The following WWOX variants were observed in gnomAD, a reference collection of about 807,000 sequenced individuals.
The protein encoded by WWOX is WW domain-containing oxidoreductase.
WWOX carries 69 observed loss-of-function variants against 46.2 expected under a neutral mutation model. The ratio of observed to expected loss-of-function variants is 1.49; its 90% CI spans 1.23 to 1.82. The LOEUF is 1.82. WWOX is among the 40% of genes most tolerant of loss of function. The probability of loss-of-function intolerance (pLI) is 0.00; values close to 1 mark genes in which losing one functional copy is unlikely to be tolerated. For synonymous variants in WWOX, 359 were observed against 202.6 expected (o/e 1.77, Z -6.56); for missense variants, 919 against 542.6 (o/e 1.69, Z -6.89).
chr16:78,673,837 C>T (rs1384937002), intron 8 of WWOX, among the ~76,000 whole-genome samples: 6 of 152,108 alleles, frequency 3.9e-5, no homozygotes, highest in African/African-American at 1.4e-4. Context: ...TCGTATCCTC[C>T]CGCAGAGGTT....
chr16:79,057,106 A>G (rs1015955126), intron 8 of WWOX, among the ~76,000 whole-genome samples: 1 of 152,210 alleles, frequency 6.6e-6, no homozygotes, highest in African/African-American at 2.4e-5. Flanking sequence ...CTAATCTGTT[A>G]TGACTGCTTG....
intron 6 of WWOX, among the ~76,000 whole-genome samples, chr16:78,406,543 G>GTT (rs1373740719): frequency 2.0e-5 from 3 of 150,206 alleles, no homozygotes; most frequent in Admixed American, 6.7e-5. Context: ...AGTAGAGATG[G>GTT]TTTCACCATG....
chr16:79,100,245 C>T (rs2049164484), intron 8 of WWOX, among the ~76,000 whole-genome samples: 1 of 151,956 alleles, frequency 6.6e-6, no homozygotes, highest in Non-Finnish European at 1.5e-5. Context: ...AAAAAGATAC[C>T]CACCAAAGAT....
intron 8 of WWOX, among the ~76,000 whole-genome samples, chr16:78,732,199 A>G (rs758518241): frequency 1.3e-5 from 2 of 151,976 alleles, no homozygotes; most frequent in Non-Finnish European, 2.9e-5. Flanking sequence ...CTTACTTATT[A>G]CTATGTAGAA....
intron 4 of WWOX, among the ~76,000 whole-genome samples, chr16:78,118,691 C>A (rs373431625): frequency 5.3e-5 from 8 of 152,124 alleles, no homozygotes; most frequent in African/African-American, 1.9e-4. Context: ...TGGCCTTTCC[C>A]AGAAAAAAGT....
At chr16:79,098,339 A>G (rs574442959) in intron 8 of WWOX, among the ~76,000 whole-genome samples, 10 of 152,292 alleles carry the variant, frequency 6.6e-5, no homozygotes, top group African/African-American at 2.4e-4. Context: ...GAACACAGAC[A>G]CCTGACTCCC....
chr16:78,202,674 C>G lies in WWOX; in HGVS notation c.516+38385C>G, dbSNP rs551476884. 1.7e-4 allele frequency among the ~76,000 whole-genome samples: 26 copies of G among 152,268 alleles called. No individual in the cohort carries two copies. In the East Asian group the frequency reaches 4.4e-3, roughly 26 times the overall value. On this transcript the variant is annotated intron_variant, in intron 5 of 8. Coordinates refer to ENST00000566780, the MANE Select transcript of WWOX (RefSeq NM_016373.4). ...GGAGTACCAGGAACTTAGAATGAAT[C>G]CATTTGTCAGCAGTATTTATACCCT... is the stretch of plus-strand genomic sequence containing the variant.
intron 8 of WWOX, among the ~76,000 whole-genome samples, chr16:79,067,666 A>T (rs1234341672): frequency 6.6e-6 from 1 of 151,658 alleles, no homozygotes; most frequent in Non-Finnish European, 1.5e-5. Context: ...CCACCTGCAT[A>T]TTATGCTTTT....
At chr16:78,359,125 G>A (rs1270581877) in intron 5 of WWOX, among the ~76,000 whole-genome samples, 1 of 152,096 alleles carries the variant, frequency 6.6e-6, no homozygotes, top group Non-Finnish European at 1.5e-5. Context: ...TCTTTCTGTA[G>A]CAGTGTCTGA....
chr16:78,494,578 C>T (rs1474692982), intron 8 of WWOX, among the ~76,000 whole-genome samples: 1 of 152,170 alleles, frequency 6.6e-6, no homozygotes, highest in Non-Finnish European at 1.5e-5. Flanking sequence ...TTCCAAAGAT[C>T]TTTTTCATTT....
intron 8 of WWOX, among the ~76,000 whole-genome samples, chr16:78,802,243 G>A (rs1338413559): frequency 7.7e-6 from 1 of 129,668 alleles, no homozygotes; most frequent in Non-Finnish European, 1.6e-5. Context: ...TTTACTGAAT[G>A]CGTGCAAGGC....
intron 8 of WWOX, among the ~76,000 whole-genome samples, chr16:79,130,676 A>G (rs1567570585): frequency 6.6e-6 from 1 of 152,226 alleles, no homozygotes; most frequent in Non-Finnish European, 1.5e-5. Context: ...GCAACAAGAA[A>G]CAATGACTAA....
At chr16:78,478,613 A>G (rs1316887411) in intron 8 of WWOX, among the ~76,000 whole-genome samples, 2 of 152,140 alleles carry the variant, frequency 1.3e-5, no homozygotes, top group African/African-American at 4.8e-5. Context: ...CACCTTTGGA[A>G]GCTGCATTAA....
intron 8 of WWOX, among the ~76,000 whole-genome samples, chr16:78,772,765 T>C (rs977242418): frequency 6.6e-6 from 1 of 152,148 alleles, no homozygotes; most frequent in Non-Finnish European, 1.5e-5. Flanking sequence ...ACACCTGTAA[T>C]CTCAGCGCTT....
intron 8 of WWOX, among the ~76,000 whole-genome samples, chr16:79,074,236 T>TTA (rs1555523008): frequency 3.3e-5 from 5 of 151,702 alleles, no homozygotes. Context: ...TCTATTTTTT[T>TTA]AAAAAATATA....
intron 8 of WWOX, among the ~76,000 whole-genome samples, chr16:78,840,355 A>T (rs2052104740): frequency 6.6e-6 from 1 of 152,114 alleles, no homozygotes; most frequent in Non-Finnish European, 1.5e-5. Flanking sequence ...AGGAGGCATG[A>T]GGCATGGTAA....
intron 8 of WWOX, among the ~76,000 whole-genome samples, chr16:78,933,174 C>T (rs7197874): frequency 1.1e-4 from 17 of 152,206 alleles, no homozygotes; most frequent in Admixed American, 5.2e-4. Flanking sequence ...CGTGGTGGCT[C>T]ACGCCTGTAA....
chr16:78,546,497 G>T (rs1326782649), intron 8 of WWOX, among the ~76,000 whole-genome samples: 1 of 152,160 alleles, frequency 6.6e-6, no homozygotes, highest in African/African-American at 2.4e-5. Flanking sequence ...CATATTGTGG[G>T]ATTGCAATTA....
chr16:78,282,004 A>C (rs542438391), intron 5 of WWOX, among the ~76,000 whole-genome samples: 7 of 152,300 alleles, frequency 4.6e-5, no homozygotes, highest in African/African-American at 1.7e-4. Flanking sequence ...CCCAGTGACA[A>C]GAAGCTGTTT....
Sources: gnomAD v4.1 joint callset for allele counts (sites outside exome capture counted in the v4.1 genomes callset) on GRCh38, gnomAD v4.1.1 for gene constraint, MANE v1.5 for transcripts, NCBI Gene and HGNC (gene_info 2026-07-23, HGNC 2026-07-21) for gene names.